Variants in DLG2 observed in about 807,000 individuals in gnomAD.
The protein encoded by DLG2 is disks large homolog 2.
In DLG2, 45 loss-of-function variants were observed where a neutral mutation model predicts 132.5. The ratio of observed to expected loss-of-function variants is 0.34; its 90% CI spans 0.27 to 0.44. The LOEUF is 0.44. Among genes scored for constraint, DLG2 ranks in the 20% least tolerant of loss-of-function variants. The pLI is 1.00. For missense variants in DLG2, 1,045 were observed against 1,196.9 expected, an observed-to-expected ratio of 0.87 and a Z score of 1.87; for synonymous variants, 424 against 419.6, an observed-to-expected ratio of 1.01 and a Z score of -0.13.
intron 6 of DLG2, among the ~76,000 whole-genome samples, chr11:85,008,172 A>C (rs2058860405): frequency 6.6e-6 from 1 of 151,918 alleles, no homozygotes; most frequent in Admixed American, 6.6e-5. Context: ...AGTATATAAA[A>C]CTTTTCATTT....
At chr11:84,771,099 T>C (rs1437919298) in intron 6 of DLG2, among the ~76,000 whole-genome samples, 1 of 152,224 alleles carries the variant, frequency 6.6e-6, no homozygotes, top group African/African-American at 2.4e-5. Context: ...TGTGTCTTTA[T>C]AACAGAATAA....
At chr11:83,559,955 A>G (rs542524729) in intron 19 of DLG2, among the ~76,000 whole-genome samples, 1 of 152,282 alleles carries the variant, frequency 6.6e-6, no homozygotes, top group South Asian at 2.1e-4. Context: ...TGCTTCTTAT[A>G]TATAAGAAAG....
At chr11:83,680,696 A>G (rs1161713392) in intron 18 of DLG2, among the ~76,000 whole-genome samples, 1 of 152,202 alleles carries the variant, frequency 6.6e-6, no homozygotes, top group Non-Finnish European at 1.5e-5. Flanking sequence ...ATTTATGGAC[A>G]AAAGAAGCAT....
chr11:83,842,908 G>A (rs975177096), intron 16 of DLG2, among the ~76,000 whole-genome samples: 1 of 152,036 alleles, frequency 6.6e-6, no homozygotes, highest in Non-Finnish European at 1.5e-5. Context: ...CTGAGCGTCT[G>A]GGGGCTTGGG....
chr11:84,703,884 ACACG>A (rs2059488376), intron 6 of DLG2, among the ~76,000 whole-genome samples: 1 of 121,178 alleles, frequency 8.3e-6, no homozygotes, highest in African/African-American at 4.0e-5. Context: ...ATATATATAT[ACACG>A]TGTGTGTGTG....
intron 11 of DLG2, 63 bp from the exon 12 acceptor site, chr11:83,980,705 G>A: frequency 7.1e-7 from 1 of 1,411,798 alleles, no homozygotes; most frequent in Non-Finnish European, 9.3e-7. Flanking sequence ...TTTAGAAAAT[G>A]CAGTTAGCCA....
At chr11:85,358,168 T>C (rs978457084) in intron 3 of DLG2, among the ~76,000 whole-genome samples, 1 of 152,162 alleles carries the variant, frequency 6.6e-6, no homozygotes, top group Non-Finnish European at 1.5e-5. Flanking sequence ...CTGTAAACTT[T>C]TTTAAAAAAA....
chr11:85,412,750 CACACACACACATATAT>C (rs943909208), intron 3 of DLG2, among the ~76,000 whole-genome samples: 2 of 139,354 alleles, frequency 1.4e-5, no homozygotes, highest in African/African-American at 5.3e-5. Flanking sequence ...CACACACACA[CACACACACACATATAT>C]ATATATATAT....
At chr11:85,288,888 CAGAAA>C (rs2078721998) in intron 3 of DLG2, among the ~76,000 whole-genome samples, 1 of 151,926 alleles carries the variant, frequency 6.6e-6, no homozygotes, top group Non-Finnish European at 1.5e-5. Flanking sequence ...ACAAATTATT[CAGAAA>C]AGAAAGGGTA....
intron 4 of DLG2, among the ~76,000 whole-genome samples, chr11:85,217,609 T>G (rs189538943): frequency 8.3e-4 from 126 of 152,300 alleles, no homozygotes; most frequent in Non-Finnish European, 7.3e-5. Context: ...TTTCTATGTC[T>G]CACCTGAATT....
intron 19 of DLG2, among the ~76,000 whole-genome samples, chr11:83,602,504 T>C (rs549284134): frequency 6.6e-6 from 1 of 152,362 alleles, no homozygotes; most frequent in Admixed American, 6.5e-5. Flanking sequence ...TAGGAGTCTA[T>C]TCATCTCTAA....
Position 83,455,367 on chromosome 11 carries a change from TC to T in DLG2, c.*4450del. 1 of 152,414 alleles carries T rather than the reference TC, an allele frequency of 6.6e-6. No individual in the cohort carries two copies. Among genetic ancestry groups the T allele is most frequent in the Non-Finnish European group, 1.5e-5 (1 of 68,020 alleles). The allele number at this position is 152,414 out of a possible 1,614,324, so 9.4% of individuals were successfully genotyped here. ...CCTGTCAGAGAGAAGCACAAAACTG[TC>T]ATATTGAAAGGATCTAACGGGTACA... On this transcript the variant is annotated 3_prime_UTR_variant, in exon 28 of 28. Transcript: ENST00000376104.
intron 10 of DLG2, among the ~76,000 whole-genome samples, chr11:84,097,403 C>T (rs2097180216): frequency 6.6e-6 from 1 of 152,156 alleles, no homozygotes; most frequent in African/African-American, 2.4e-5. Flanking sequence ...GTCCCTTCAG[C>T]CAGAATTCCC....
rs1032621001 is a variant in DLG2, at chr11:83,996,138, T to A, written c.920-15496A>T. Among the ~76,000 whole-genome samples, 7 of 151,758 alleles carry A rather than the reference T, an allele frequency of 4.6e-5. No homozygotes were observed. In the South Asian group the frequency reaches 6.2e-4, roughly 13 times the overall value. ...CAAACAACTCTAAGAAAAAAAACAA[T>A]AATATGATAAAAAGATGGGCAAAAT... is the stretch of plus-strand genomic sequence containing the variant. On this transcript the variant is annotated intron_variant, in intron 11 of 27. Transcript: ENST00000376104.
intron 7 of DLG2, among the ~76,000 whole-genome samples, chr11:84,502,267 C>CT (rs2099215231): frequency 4.1e-5 from 1 of 24,366 alleles, no homozygotes; most frequent in South Asian, 2.2e-3. Flanking sequence ...TCCTTCCTTC[C>CT]TTCCTTCCTT....
chr11:84,570,458 A>G (rs2099477581), intron 6 of DLG2, among the ~76,000 whole-genome samples: 1 of 152,086 alleles, frequency 6.6e-6, no homozygotes, highest in Non-Finnish European at 1.5e-5. Flanking sequence ...TCCTCTCTAA[A>G]TTGTGAGCTG....
intron 5 of DLG2, among the ~76,000 whole-genome samples, chr11:85,132,555 A>G (rs943001568): frequency 2.0e-5 from 3 of 152,190 alleles, no homozygotes; most frequent in East Asian, 1.9e-4. Flanking sequence ...TTCTCCTTCC[A>G]TTTGCACAAA....
intron 19 of DLG2, among the ~76,000 whole-genome samples, chr11:83,588,636 T>C (rs1303492313): frequency 6.6e-6 from 1 of 151,552 alleles, no homozygotes; most frequent in South Asian, 2.1e-4. Context: ...CAAAGCTGGA[T>C]GGAGAATGAC....
At chr11:84,275,252 G>A (rs2097772986) in intron 7 of DLG2, among the ~76,000 whole-genome samples, 1 of 152,146 alleles carries the variant, frequency 6.6e-6, no homozygotes, top group African/African-American at 2.4e-5. Flanking sequence ...AGAATTCATA[G>A]TCTTTGTGTG....
Sources: gnomAD v4.1 joint callset for allele counts (sites outside exome capture counted in the v4.1 genomes callset) on GRCh38, gnomAD v4.1.1 for gene constraint, MANE v1.5 for transcripts, NCBI Gene and HGNC (gene_info 2026-07-23, HGNC 2026-07-21) for gene names.